Variants in SLC19A1 observed in about 807,000 individuals in gnomAD.
SLC19A1 encodes the protein reduced folate transporter.
SLC19A1 carries 37 observed loss-of-function variants against 35.3 expected under a neutral mutation model. The observed-to-expected ratio is 1.05, with a 90% CI of 0.81 to 1.38. SLC19A1 has a LOEUF of 1.38. Among genes scored for constraint, SLC19A1 ranks in the 40% most tolerant of loss-of-function variants. SLC19A1 has a pLI of 0.00. For missense variants in SLC19A1, 831 were observed against 826.9 expected (o/e 1.00, Z -0.06); for synonymous variants, 460 against 398.5 (o/e 1.15, Z -1.84).
At chr21:45,538,852 T>G (rs1210321315) in intron 1 of SLC19A1, among the ~76,000 whole-genome samples, 1 of 152,096 alleles carries the variant, frequency 6.6e-6, no homozygotes, top group African/African-American at 2.4e-5. Flanking sequence ...CGAGGCAACA[T>G]GCACCCAACC....
intron 3 of SLC19A1, chr21:45,505,885 G>C: frequency 6.2e-7 from 1 of 1,612,668 alleles, no homozygotes; most frequent in Non-Finnish European, 8.5e-7. Flanking sequence ...AGGTGCACGA[G>C]GTTCCCGAGG....
At chr21:45,508,516 T>C (rs4364095), downstream of SLC19A1, among the ~76,000 whole-genome samples, 1 of 145,748 alleles carries the variant, frequency 6.9e-6, no homozygotes, top group Non-Finnish European at 1.5e-5. Flanking sequence ...GTAAGTGGGT[T>C]AGTGGATGGG....
At chr21:45,503,099 C>T (rs1350470355) in intron 3 of SLC19A1, 2 of 152,168 alleles carry the variant, frequency 1.3e-5, no homozygotes, top group Non-Finnish European at 2.9e-5. Context: ...AATGGGATGG[C>T]TGGGTCAAAT....
At chr21:45,509,652 G>T, downstream of SLC19A1, 1 of 983,834 alleles carries the variant, frequency 1.0e-6, no homozygotes, top group Non-Finnish European at 1.6e-6. Context: ...CTCGGCTCTC[G>T]GCAGCAGAAG....
chr21:45,545,787 GC>G (rs1337228123), upstream of SLC19A1, among the ~76,000 whole-genome samples: 1 of 152,168 alleles, frequency 6.6e-6, no homozygotes, highest in Non-Finnish European at 1.5e-5. Flanking sequence ...CCTGCACATG[GC>G]CTCAGCCAGT....
chr21:45,556,772 C>A (rs2078566390), intron 1 of SLC19A1, among the ~76,000 whole-genome samples: 1 of 152,170 alleles, frequency 6.6e-6, no homozygotes, highest in Non-Finnish European at 1.5e-5. Context: ...AATGTTCTCT[C>A]ACGTCCTCTG....
chr21:45,558,057 G>A (rs1331604199), intron 1 of SLC19A1, among the ~76,000 whole-genome samples: 1 of 152,262 alleles, frequency 6.6e-6, no homozygotes, highest in Non-Finnish European at 1.5e-5. Flanking sequence ...TGTGCCGAGT[G>A]GCTCCATATT....
chr21:45,504,089 A>G (rs1192925644), intron 3 of SLC19A1: 1 of 1,610,098 alleles, frequency 6.2e-7, no homozygotes, highest in Non-Finnish European at 8.5e-7. Flanking sequence ...GGGGCCCCCA[A>G]GGTCCTGTAC....
chr21:45,511,114 G>T, downstream of SLC19A1: 2 of 1,554,280 alleles, frequency 1.3e-6, no homozygotes, highest in Non-Finnish European at 1.7e-6. Context: ...CTTCCAGGAC[G>T]AGCTGCTGTT....
At position 45,534,420 on chromosome 21, in the gene SLC19A1, G is replaced by T; in HGVS notation, c.190-2272C>A. ...CATGACAGCCCCAGCCCCTGGCCGGGGCACAGGTTCTGCCCACAGCCCAGA... is the reference window on the plus strand; with the variant it reads ...CATGACAGCCCCAGCCCCTGGCCGGTGCACAGGTTCTGCCCACAGCCCAGA... On this transcript the variant is annotated intron_variant, in intron 2 of 5. Coordinates refer to ENST00000311124, the MANE Select transcript of SLC19A1 (RefSeq NM_194255.4). This position sits in a 1 kb window ranked among gnomAD's most constrained non-coding sequence, Gnocchi z 4.2. The T allele has an allele frequency of 1.2e-6, 1 of 814,886 alleles. No individual in the cohort carries two copies. The highest frequency in any genetic ancestry group is 1.9e-6 in the Non-Finnish European group (1 of 516,278). 50.5% of individuals were successfully genotyped at this position (814,886 alleles called of 1,614,324 possible). A position where few individuals can be genotyped will look rare whatever the true frequency, so the allele number is the denominator to read the frequency against.
chr21:45,506,986 G>GGT, intron 3 of SLC19A1: 2 of 280,478 alleles, frequency 7.1e-6, no homozygotes, highest in South Asian at 3.4e-5. Context: ...GCACCCGGAT[G>GGT]CAGCCCCATC....
At chr21:45,522,104 T>C (rs1313975902) in intron 5 of SLC19A1, among the ~76,000 whole-genome samples, 1 of 151,988 alleles carries the variant, frequency 6.6e-6, no homozygotes, top group Admixed American at 6.5e-5. Flanking sequence ...ATATCTGGAA[T>C]ACACAAACCA....
intron 1 of SLC19A1, among the ~76,000 whole-genome samples, chr21:45,559,529 T>A (rs2078595509): frequency 6.6e-6 from 1 of 152,130 alleles, no homozygotes; most frequent in African/African-American, 2.4e-5. Context: ...TTCCAGTTGT[T>A]TTTCAGTCTT....
intron 1 of SLC19A1, among the ~76,000 whole-genome samples, chr21:45,538,947 G>A (rs542104283): frequency 2.0e-5 from 3 of 152,304 alleles, no homozygotes; most frequent in South Asian, 2.1e-4. Flanking sequence ...ACTCGAGGGC[G>A]TGTCTCTTTC....
chr21:45,511,728 C>T (rs1312291947), downstream of SLC19A1, among the ~76,000 whole-genome samples: 1 of 152,156 alleles, frequency 6.6e-6, no homozygotes, highest in Non-Finnish European at 1.5e-5. Flanking sequence ...CTCGGGGTGC[C>T]ACACAGCGTG....
intron 1 of SLC19A1, among the ~76,000 whole-genome samples, chr21:45,561,101 G>T (rs1419093826): frequency 6.6e-6 from 1 of 152,174 alleles, no homozygotes; most frequent in Non-Finnish European, 1.5e-5. Context: ...TTCTGCTGCC[G>T]TGCACTTGGA....
At chr21:45,509,535 C>A (rs375601931), downstream of SLC19A1, 2 of 1,537,612 alleles carry the variant, frequency 1.3e-6, no homozygotes, top group Non-Finnish European at 1.7e-6. Context: ...ACAGCTCCTA[C>A]GTGCACCTGC....
In SLC19A1 at chr21:45,537,924, C is replaced by A; in HGVS notation, c.36G>T (p.Val12=). The stretch of plus-strand genomic sequence containing the variant: ...CGGGGTCAGGCCCAGGTTCCACGGG[C>A]ACCTGCTTCTCCACCGCTGGGCTGG... ...VPSSPAVEKQ[V]PVEPGPDPEL... Residue 12 remains valine (V), a synonymous_variant, in exon 2 of 6, where the codon GTG becomes GTT. Coordinates refer to ENST00000311124, the MANE Select transcript of SLC19A1 (RefSeq NM_194255.4). 1 of 1,588,464 alleles carries A rather than the reference C, an allele frequency of 6.3e-7. No homozygotes were observed. Among genetic ancestry groups the A allele is most frequent in the Non-Finnish European group, 8.5e-7 (1 of 1,171,552 alleles).
Position 45,531,444 on chromosome 21 carries a change from G to A in SLC19A1, c.894C>T (p.Thr298=). 6.2e-7 allele frequency: 1 copy of A among 1,611,566 alleles called. No homozygotes were observed. Among genetic ancestry groups the A allele is most frequent in the East Asian group, 2.2e-5 (1 of 44,874 alleles). Residue 298 remains threonine, a synonymous_variant, in exon 3 of 6, where the codon ACC becomes ACT. Coordinates refer to ENST00000311124, the MANE Select transcript of SLC19A1 (RefSeq NM_194255.4). ...CGTTGTAGACCCGCGCACTGTTGGT[G>A]GTGGGGTCCACCTCGTTCCACAGGA... The part of the protein sequence containing the change: ...VHILWNEVDP[T]TNSARVYNGA...
Sources: gnomAD v4.1 joint callset for allele counts (sites outside exome capture counted in the v4.1 genomes callset) on GRCh38, gnomAD v4.1.1 for gene constraint, Gnocchi (gnomAD v3.1) non-coding constraint, MANE v1.5 for transcripts, NCBI Gene and HGNC (gene_info 2026-07-23, HGNC 2026-07-21) for gene names.